The following SP140 variants were observed in gnomAD, a reference collection of about 807,000 sequenced individuals.
SP140 encodes nuclear body protein SP140.
Under a neutral mutation model 125.0 loss-of-function variants are expected in SP140, and 81 were observed. The observed-to-expected ratio is 0.65, with a 90% CI of 0.54 to 0.78. The LOEUF is 0.78. Among genes scored for constraint, SP140 ranks in the 30% least tolerant of loss-of-function variants. SP140 has a pLI of 0.00. For synonymous variants in SP140, 312 were observed against 354.0 expected (o/e 0.88, Z 1.33); for missense variants, 858 against 1,037.0 (o/e 0.83, Z 2.37).
intron 26 of SP140, 87 bp from the exon 27 acceptor site, chr2:230,312,499 G>A: frequency 1.2e-6 from 1 of 833,060 alleles, no homozygotes; most frequent in East Asian, 2.7e-5. Context: ...TTTTTTTAAA[G>A]ACAAGAGTCC....
At chr2:230,219,808 C>G (rs2045639206) in intron 3 of SP140, 1 of 570,056 alleles carries the variant, frequency 1.8e-6, no homozygotes, top group Non-Finnish European at 2.2e-6. Context: ...GCTGCTGCCG[C>G]GAAGTTAACT....
At chr2:230,292,543 C>G (rs1354431747) in intron 19 of SP140, 103 bp from the exon 20 acceptor site, 16 of 1,459,512 alleles carry the variant, frequency 1.1e-5, no homozygotes, top group Non-Finnish European at 1.5e-5. Context: ...TGCTATTGAT[C>G]TGCATCACAA....
At chr2:230,289,257 G>A (rs368457730) in intron 18 of SP140, among the ~76,000 whole-genome samples, 1 of 152,186 alleles carries the variant, frequency 6.6e-6, no homozygotes, top group Admixed American at 6.5e-5. Flanking sequence ...GGCCAGATAA[G>A]TGTCTTCTTT....
At chr2:230,203,244 A>G (rs911085830) in exon 1 of SP140, 14 of 178,692 alleles carry the variant, frequency 7.8e-5, no homozygotes, top group Non-Finnish European at 1.7e-4. Context: ...GGTGAGGCTG[A>G]GACCCAGAGG....
At position 230,237,355 on chromosome 2, in the gene SP140, G is replaced by A. The variant is rs1027674088; in HGVS notation, c.237+95G>A. On this transcript the variant is annotated intron_variant, in intron 2 of 26. Transcript: ENST00000392045. This position sits in a 1 kb window ranked among gnomAD's most constrained non-coding sequence, Gnocchi z 5.4. ...GAGCAGGCTAAAGGGCCTCCTGTGA[G>A]TGGGGACCTTCACCATTCTGTAGGT... 1.1e-5 allele frequency: 12 copies of A among 1,070,168 alleles called. 1 individual carries two copies. Among genetic ancestry groups the A allele is most frequent in the South Asian group, 8.7e-5 (6 of 68,686 alleles). The allele number at this position is 1,070,168 out of a possible 1,614,324, so 66.3% of individuals were successfully genotyped here.
intron 12 of SP140, among the ~76,000 whole-genome samples, chr2:230,262,386 C>T (rs745346781): frequency 3.9e-5 from 6 of 152,064 alleles, no homozygotes; most frequent in African/African-American, 7.2e-5. Context: ...TTTACCTTTT[C>T]GAAGAACCAG....
the SP140 span, among the ~76,000 whole-genome samples, chr2:230,196,403 A>G: frequency 2.8e-4 from 42 of 152,178 alleles, no homozygotes; most frequent in African/African-American, 9.4e-4. Context: ...ATACACAATG[A>G]AAAAAGTGAT....
chr2:230,306,084 G>A (rs993969619), intron 22 of SP140, among the ~76,000 whole-genome samples: 5 of 152,200 alleles, frequency 3.3e-5, no homozygotes, highest in Non-Finnish European at 7.3e-5. Flanking sequence ...CTGCAAGGAG[G>A]CAGACAGGGC....
chr2:230,210,487 A>G (rs994422389), intron 1 of SP140, among the ~76,000 whole-genome samples: 4 of 152,236 alleles, frequency 2.6e-5, no homozygotes, highest in Admixed American at 6.5e-5. Flanking sequence ...TTTGACGTCT[A>G]TGTGTGGATA....
chr2:230,204,312 A>G (rs1372178643), intron 1 of SP140, among the ~76,000 whole-genome samples: 1 of 152,216 alleles, frequency 6.6e-6, no homozygotes, highest in African/African-American at 2.4e-5. Flanking sequence ...TTGCATAGAC[A>G]TTCCCTGTCT....
intron 3 of SP140, 109 bp downstream of exon 3, chr2:230,238,490 C>A: frequency 9.4e-7 from 1 of 1,066,364 alleles, no homozygotes; most frequent in Non-Finnish European, 1.4e-6. Context: ...GTGACTATTA[C>A]ATGCCAAGCC....
intron 3 of SP140, among the ~76,000 whole-genome samples, chr2:230,214,716 A>G (rs1272738041): frequency 6.6e-6 from 1 of 152,116 alleles, no homozygotes; most frequent in Admixed American, 6.6e-5. Flanking sequence ...TTTTTTTCCA[A>G]ATTCATAGAA....
intron 1 of SP140, among the ~76,000 whole-genome samples, chr2:230,236,787 A>G (rs1165131280): frequency 6.6e-6 from 1 of 152,230 alleles, no homozygotes; most frequent in East Asian, 1.9e-4. Flanking sequence ...ACATCTTTTA[A>G]TTGCATATTT....
intron 9 of SP140, among the ~76,000 whole-genome samples, 174 bp from the exon 10 acceptor site, chr2:230,250,807 A>G (rs1039340722): frequency 6.6e-6 from 1 of 152,182 alleles, no homozygotes; most frequent in Non-Finnish European, 1.5e-5. Flanking sequence ...AGCCTTGGTG[A>G]CAGCAACTGG....
intron 21 of SP140, among the ~76,000 whole-genome samples, chr2:230,295,289 T>C (rs566490203): frequency 1.4e-4 from 21 of 152,210 alleles, no homozygotes; most frequent in Non-Finnish European, 3.1e-4. Flanking sequence ...CATATTCCAC[T>C]GGGAACCTGA....
At chr2:230,301,729 AAAAT>A (rs1255808552) in intron 22 of SP140, among the ~76,000 whole-genome samples, 1 of 152,208 alleles carries the variant, frequency 6.6e-6, no homozygotes, top group Non-Finnish European at 1.5e-5. Flanking sequence ...CACAATGAAA[AAAAT>A]AAGGTATTCA....
At chr2:230,193,343 C>T in the SP140 span, among the ~76,000 whole-genome samples, 1 of 152,130 alleles carries the variant, frequency 6.6e-6, no homozygotes, top group Admixed American at 6.6e-5. Flanking sequence ...CATTTAGGCC[C>T]ATTTATGTTG....
intron 3 of SP140, among the ~76,000 whole-genome samples, chr2:230,219,130 C>T (rs1311431641): frequency 6.6e-6 from 1 of 152,198 alleles, no homozygotes; most frequent in Non-Finnish European, 1.5e-5. Context: ...GAGGCTGAGG[C>T]AGGAGAATCG....
upstream of SP140, chr2:230,221,920 T>C: frequency 1.6e-6 from 1 of 615,158 alleles, no homozygotes. Context: ...ATGAAAGATG[T>C]TTATTCTAAG....
Sources: gnomAD v4.1 joint callset for allele counts (sites outside exome capture counted in the v4.1 genomes callset) on GRCh38, gnomAD v4.1.1 for gene constraint, Gnocchi (gnomAD v3.1) non-coding constraint, MANE v1.5 for transcripts, NCBI Gene and HGNC (gene_info 2026-07-23, HGNC 2026-07-21) for gene names.